The following MYH15 variants were observed in gnomAD, a reference collection of about 807,000 sequenced individuals.
MYH15 encodes the protein myosin heavy chain 15, also known as myosin-15.
MYH15 carries 227 observed loss-of-function variants against 240.5 expected under a neutral mutation model. The observed-to-expected ratio is 0.94, with a 90% CI of 0.85 to 1.05. The LOEUF is 1.05. Ranked by LOEUF, MYH15 falls within the 50% of genes least tolerant of loss-of-function variation. The pLI, the probability that MYH15 is intolerant of heterozygous loss-of-function variation, is 0.00. For missense variants in MYH15, 2,217 were observed against 2,247.5 expected (o/e 0.99, Z 0.27); for synonymous variants, 785 against 796.7 (o/e 0.99, Z 0.25).
Position 108,444,880 on chromosome 3 carries a change from C to T in MYH15, c.2415G>A (p.Leu805=), listed in dbSNP as rs1222118160. 1 of 1,611,582 alleles carries T rather than the reference C, an allele frequency of 6.2e-7. No individual in the cohort carries two copies. The highest frequency in any genetic ancestry group is 2.2e-5 in the East Asian group (1 of 44,838). ...TGAAAGCTCTTATGTTCCATTGGAT[C>T]AAAATAAGTGCATCCCTAAATCAAG... The part of the protein sequence containing the change: ...KILEERDALI[L]IQWNIRAFMA... The change falls in exon 22 of 41, where the codon TTG becomes TTA. Residue 805 remains leucine (L), a synonymous_variant. Transcript: ENST00000693548.
intron 23 of MYH15, among the ~76,000 whole-genome samples, chr3:108,440,598 A>T (rs552315356): frequency 6.6e-6 from 1 of 152,014 alleles, no homozygotes; most frequent in African/African-American, 2.4e-5. Flanking sequence ...AATTAAAGTG[A>T]CATCTTCAAG....
chr3:108,483,277 G>A (rs575184471), intron 11 of MYH15, among the ~76,000 whole-genome samples: 3 of 149,686 alleles, frequency 2.0e-5, no homozygotes, highest in Non-Finnish European at 4.4e-5. Context: ...ATAGGCAAAG[G>A]ACTTAAATAG....
At chr3:108,418,204 G>A (rs1280439190) in intron 28 of MYH15, among the ~76,000 whole-genome samples, 1 of 152,122 alleles carries the variant, frequency 6.6e-6, no homozygotes, top group Non-Finnish European at 1.5e-5. Context: ...TACTAGCTCA[G>A]CTCAGAGCTT....
the MYH15 span, among the ~76,000 whole-genome samples, chr3:108,540,169 A>T: frequency 6.6e-6 from 1 of 152,174 alleles, no homozygotes; most frequent in African/African-American, 2.4e-5. Flanking sequence ...AAACACTTCC[A>T]CTTCTTTTCC....
Position 108,384,771 on chromosome 3 carries a change from G to A in MYH15, c.5547C>T (p.Asp1849=), listed in dbSNP as rs1180338915. 1.9e-6 allele frequency: 3 copies of A among 1,613,436 alleles called. No individual in the cohort carries two copies. Among genetic ancestry groups the A allele is most frequent in the Non-Finnish European group, 2.5e-6 (3 of 1,179,758 alleles). ...IKELTYQAEE[D]KKNLSRMQTQ... ...TTTGCATCCTGCTCAGATTCTTCTT[G>A]TCTTCCTCTGCCTGCAATACATAGG... is the stretch of plus-strand genomic sequence containing the variant. Residue 1849 remains aspartate, a synonymous_variant, in exon 39 of 41, where the codon GAC becomes GAT. Coordinates refer to ENST00000693548, the MANE Select transcript of MYH15 (RefSeq NM_014981.3).
chr3:108,538,962 C>G, the MYH15 span, among the ~76,000 whole-genome samples: 4 of 152,120 alleles, frequency 2.6e-5, no homozygotes, highest in Admixed American at 2.6e-4. Flanking sequence ...ACTGTTCTCA[C>G]TTTTGTTAAC....
At chr3:108,538,782 G>A in the MYH15 span, among the ~76,000 whole-genome samples, 1 of 152,134 alleles carries the variant, frequency 6.6e-6, no homozygotes. Flanking sequence ...TGCTATAACA[G>A]AATACCAGGG....
the MYH15 span, among the ~76,000 whole-genome samples, chr3:108,542,782 CTG>C: frequency 3.0e-4 from 45 of 152,038 alleles, no homozygotes; most frequent in Non-Finnish European, 7.4e-5. Flanking sequence ...CCACTTATAA[CTG>C]AGAACATGCA....
intron 25 of MYH15, among the ~76,000 whole-genome samples, chr3:108,432,222 C>A (rs1459441956): frequency 1.3e-5 from 2 of 152,080 alleles, no homozygotes; most frequent in African/African-American, 4.8e-5. Context: ...CCCTGCCCAG[C>A]AAATTTTTTG....
chr3:108,547,865 C>T, the MYH15 span, among the ~76,000 whole-genome samples: 1 of 152,120 alleles, frequency 6.6e-6, no homozygotes, highest in African/African-American at 2.4e-5. Flanking sequence ...GGAAGAGAAA[C>T]AGCCTATATG....
Position 108,415,755 on chromosome 3 carries a change from G to A in MYH15, c.3948+1057C>T, listed in dbSNP as rs1273550400. ...AAAGTCCTAAGGCAGGAGTGATGGT[G>A]CCTGGTTTAAGAGGCAGAAGGGAAG... On this transcript the variant is annotated intron_variant, in intron 29 of 40. Coordinates refer to ENST00000693548, the MANE Select transcript of MYH15 (RefSeq NM_014981.3). Among the ~76,000 whole-genome samples the A allele has an allele frequency of 2.0e-5, 3 of 152,148 alleles. No homozygotes were observed. In the East Asian group the frequency reaches 5.8e-4, roughly 29 times the overall value.
intron 35 of MYH15, 143 bp from the exon 36 acceptor site, chr3:108,394,299 C>A: frequency 9.6e-7 from 1 of 1,042,088 alleles, no homozygotes; most frequent in African/African-American, 1.6e-5. Context: ...AAGCAGTGCT[C>A]CCAATCCCGA....
chr3:108,484,319 T>C (rs1257273298), intron 11 of MYH15, among the ~76,000 whole-genome samples: 1 of 152,104 alleles, frequency 6.6e-6, no homozygotes, highest in Non-Finnish European at 1.5e-5. Flanking sequence ...AGAGTATAGA[T>C]TTTTTTAAAT....
chr3:108,431,126 A>G (rs2082775353), intron 25 of MYH15, among the ~76,000 whole-genome samples: 1 of 152,254 alleles, frequency 6.6e-6, no homozygotes, highest in Admixed American at 6.5e-5. Flanking sequence ...ATTATTATAT[A>G]TCAATAAAAA....
chr3:108,435,479 C>T (rs181624490), intron 25 of MYH15, among the ~76,000 whole-genome samples: 147 of 152,086 alleles, frequency 9.7e-4, no homozygotes, highest in African/African-American at 3.5e-3. Flanking sequence ...CTCCCTCCTC[C>T]CAGCCCTTGG....
chr3:108,386,574 T>A (rs2082385664), intron 38 of MYH15, among the ~76,000 whole-genome samples: 1 of 151,882 alleles, frequency 6.6e-6, no homozygotes. Flanking sequence ...ATCTTTGTGC[T>A]GGAGACTTGC....
chr3:108,460,746 T>C (rs956759218), intron 16 of MYH15, among the ~76,000 whole-genome samples: 4 of 152,148 alleles, frequency 2.6e-5, no homozygotes, highest in Admixed American at 2.6e-4. Context: ...TATGGAAAGA[T>C]TTCTAGGATG....
At chr3:108,421,320 T>C (rs2082682557) in intron 27 of MYH15, 106 bp from the exon 28 acceptor site, 1 of 1,303,810 alleles carries the variant, frequency 7.7e-7, no homozygotes, top group South Asian at 1.3e-5. Context: ...CATGCTCTCT[T>C]CTGTAGTAAA....
Position 108,486,435 on chromosome 3 carries a change from C to G in MYH15, c.963G>C (p.Leu321Phe), listed in dbSNP as rs777551238. ...TAACAAGCCTTACTTCTGTGGCCAG[C>G]AATTCTTCAGCATCATCCAAGCTCT... The part of the protein sequence containing the change: ...TVESLDDAEE[L>F]LATEQAMDIL... Residue 321 changes from leucine (L) to phenylalanine (F), a missense_variant, in exon 10 of 41, where the codon TTG (leucine) becomes TTC (phenylalanine). By Grantham distance (22) the Leu-to-Phe change is conservative. Transcript: ENST00000693548. 1.3e-5 allele frequency: 21 copies of G among 1,610,258 alleles called. No homozygotes were observed. Among genetic ancestry groups the G allele is most frequent in the Non-Finnish European group, 1.7e-5 (20 of 1,177,320 alleles).
Sources: gnomAD v4.1 joint callset for allele counts (sites outside exome capture counted in the v4.1 genomes callset) on GRCh38, gnomAD v4.1.1 for gene constraint, MANE v1.5 for transcripts, NCBI Gene and HGNC (gene_info 2026-07-23, HGNC 2026-07-21) for gene names.